GPAM: variants seen among roughly 807,000 people sequenced by gnomAD.
GPAM encodes glycerol-3-phosphate acyltransferase, mitochondrial, also known as glycerol-3-phosphate acyltransferase 1, mitochondrial.
GPAM carries 56 observed loss-of-function variants against 105.0 expected under a neutral mutation model. The ratio of observed to expected loss-of-function variants is 0.53; its 90% CI spans 0.43 to 0.67. The LOEUF is 0.67. GPAM is among the 30% of genes least tolerant of loss of function. GPAM has a pLI of 0.00. For missense variants in GPAM, 855 were observed against 989.8 expected, an observed-to-expected ratio of 0.86 and a Z score of 1.83; for synonymous variants, 368 against 354.4, an observed-to-expected ratio of 1.04 and a Z score of -0.43.
chr10:112,158,303 C>T lies in GPAM; in HGVS notation c.1980+13G>A, dbSNP rs1847054722. 6.9e-7 allele frequency: 1 copy of T among 1,440,968 alleles called. No homozygotes were observed. 89.3% of individuals were successfully genotyped at this position (1,440,968 alleles called of 1,614,324 possible). A position where few individuals can be genotyped will look rare whatever the true frequency, so the allele number is the denominator to read the frequency against. On this transcript the variant is annotated intron_variant, in intron 18 of 21. Coordinates refer to ENST00000348367, the MANE Select transcript of GPAM (RefSeq NM_001244949.2). ...AAGTATAAAGACAAATAAAGGAAAG[C>T]TCTACCTCTTACCTCTGCCACTGTA...
rs561923065 is a variant in GPAM at position 112,151,181 on chromosome 10, C to T, written c.*2369G>A. ...GCATGCATTTCATGTTACAGAAATG[C>T]GATAGAGTAAACTGTAATAAATTAT... On this transcript the variant is annotated 3_prime_UTR_variant, in exon 22 of 22. Coordinates refer to ENST00000348367, the MANE Select transcript of GPAM (RefSeq NM_001244949.2). 31 of 982,526 alleles carry T rather than the reference C, an allele frequency of 3.2e-5. No homozygotes were observed. Among genetic ancestry groups the T allele is most frequent in the East Asian group, 1.1e-4 (1 of 8,788 alleles). The allele number at this position is 982,526 out of a possible 1,614,324, so 60.9% of individuals were successfully genotyped here. A position where few individuals can be genotyped will look rare whatever the true frequency, so the allele number is the denominator to read the frequency against.
chr10:112,227,420 C>T, the GPAM span, among the ~76,000 whole-genome samples: 1 of 152,260 alleles, frequency 6.6e-6, no homozygotes, highest in African/African-American at 2.4e-5. Context: ...GCTCTGCCCT[C>T]TCCTGGGACC....
intron 16 of GPAM, 79 bp downstream of exon 16, chr10:112,160,525 T>C: frequency 7.1e-7 from 1 of 1,411,390 alleles, no homozygotes; most frequent in Non-Finnish European, 1.0e-6. Flanking sequence ...TCACCCAAAT[T>C]AAAGCAGATA....
rs928905443 is a variant in GPAM at position 112,153,609 on chromosome 10, G to C, written c.2428C>G (p.Leu810Val). ...AGTTTTTGTCGGTTGCATTGAGGTAGAAAAGTGCTGCTCAGTTCTAAAACA... is the reference window on the plus strand; with the variant it reads ...AGTTTTTGTCGGTTGCATTGAGGTACAAAAGTGCTGCTCAGTTCTAAAACA... ...VSVLELSSTFLPQCNRQKLLE... is the reference protein window; with the variant it reads ...VSVLELSSTFVPQCNRQKLLE... The change falls in exon 22 of 22, where the codon CTA (leucine) becomes GTA (valine). Residue 810 changes from leucine to valine, a missense_variant. Physicochemically the swap from Leu to Val is conservative, Grantham distance 32. Coordinates refer to ENST00000348367, the MANE Select transcript of GPAM (RefSeq NM_001244949.2). 6.2e-7 allele frequency: 1 copy of C among 1,613,736 alleles called. No homozygotes were observed. Among genetic ancestry groups the C allele is most frequent in the Non-Finnish European group, 8.5e-7 (1 of 1,179,822 alleles).
rs1278544085 is a variant in GPAM, at chr10:112,168,842, A to T, written c.894+11T>A. ...ACAATGTCCCTAAGGATAATTAGAG[A>T]TCACACATACCCCATGGAGCAAAGC... On this transcript the variant is annotated intron_variant, in intron 10 of 21. Transcript: ENST00000348367. 2.7e-6 allele frequency: 4 copies of T among 1,482,776 alleles called. 1 individual carries two copies. The highest frequency in any genetic ancestry group is 3.4e-4 in the Middle Eastern group (2 of 5,836). 91.9% of individuals were successfully genotyped at this position (1,482,776 alleles called of 1,614,324 possible). A position where few individuals can be genotyped will look rare whatever the true frequency, so the allele number is the denominator to read the frequency against.
chr10:112,221,070 G>A, the GPAM span, among the ~76,000 whole-genome samples: 2 of 152,160 alleles, frequency 1.3e-5, no homozygotes, highest in Non-Finnish European at 2.9e-5. Context: ...GGAAAATGTA[G>A]TCTCAGTGTG....
rs530100174 is a variant in GPAM, at chr10:112,195,966, C to T, written n.211-13075G>A. On this transcript the variant is annotated intron_variant and non_coding_transcript_variant, in intron 1 of 3. Transcript: ENST00000480130. ...AGTTCCCATCTTCTCTCCCTCACCC[C>T]ACTCCCTGGGTCAGAGTAGAGAAAA... Among the ~76,000 whole-genome samples, 6 of 152,176 alleles carry T rather than the reference C, an allele frequency of 3.9e-5. No homozygotes were observed. In the East Asian group the frequency reaches 1.2e-3, roughly 29 times the overall value.
the GPAM span, among the ~76,000 whole-genome samples, chr10:112,224,226 C>CA: frequency 0.013 from 1,913 of 151,578 alleles, 46 homozygotes; most frequent in African/African-American, 0.043. Context: ...TTATCTGGAG[C>CA]AAAAAAAATC....
intron 4 of GPAM, among the ~76,000 whole-genome samples, chr10:112,179,476 C>T (rs1312037736): frequency 6.6e-6 from 1 of 152,216 alleles, no homozygotes; most frequent in African/African-American, 2.4e-5. Context: ...TTGAATTCTA[C>T]CAAATTCTTG....
chr10:112,216,824 A>T (rs1339417671), upstream of GPAM, among the ~76,000 whole-genome samples: 1 of 151,836 alleles, frequency 6.6e-6, no homozygotes, highest in Non-Finnish European at 1.5e-5. Context: ...GGGTTTTACC[A>T]TGTTGGCCAG....
intron 14 of GPAM, among the ~76,000 whole-genome samples, chr10:112,163,311 A>G (rs1847155396): frequency 6.6e-6 from 1 of 152,228 alleles, no homozygotes; most frequent in South Asian, 2.1e-4. Flanking sequence ...GGCCACTCAT[A>G]TTTGCTGCAT....
At chr10:112,198,858 A>G (rs1432799898) in intron 1 of GPAM, among the ~76,000 whole-genome samples, 2 of 151,898 alleles carry the variant, frequency 1.3e-5, no homozygotes, top group African/African-American at 4.8e-5. Flanking sequence ...AAAGAAGAAA[A>G]TCCTGTCATT....
Position 112,151,743 on chromosome 10 carries a change from GAA to G in GPAM, c.*1805_*1806del. The stretch of plus-strand genomic sequence containing the variant: ...ATCCTTAATTTACAATTTAAAGGAT[GAA>G]AAAAAGAGACTAGTGAAATGTTTGC... On this transcript the variant is annotated 3_prime_UTR_variant, in exon 22 of 22. Transcript: ENST00000348367. 1.0e-6 allele frequency: 1 copy of G among 984,976 alleles called. No homozygotes were observed. The allele number at this position is 984,976 out of a possible 1,614,324, so 61.0% of individuals were successfully genotyped here.
the GPAM span, among the ~76,000 whole-genome samples, chr10:112,227,400 C>T: frequency 6.6e-6 from 1 of 152,196 alleles, no homozygotes; most frequent in Non-Finnish European, 1.5e-5. Context: ...ACCTTAGAGC[C>T]TTCTCTCCTG....
chr10:112,162,440 C>A (rs1847140158), intron 14 of GPAM, among the ~76,000 whole-genome samples: 1 of 152,134 alleles, frequency 6.6e-6, no homozygotes, highest in South Asian at 2.1e-4. Flanking sequence ...AGGGCACAGA[C>A]ACACATTTGA....
chr10:112,160,945 C>A, intron 15 of GPAM, 77 bp from the exon 16 acceptor site: 2 of 1,318,200 alleles, frequency 1.5e-6, no homozygotes, highest in Non-Finnish European at 2.2e-6. Flanking sequence ...CATTCCAAGA[C>A]TTTCTTCTTG....
Position 112,153,415 on chromosome 10 carries a change from C to T in GPAM, c.*135G>A, listed in dbSNP as rs1235166862. On this transcript the variant is annotated 3_prime_UTR_variant, in exon 22 of 22. Coordinates refer to ENST00000348367, the MANE Select transcript of GPAM (RefSeq NM_001244949.2). ...CACAGATCCATGGAGGGAGAAGGCA[C>T]TTGTCTTCCAGGAGATCACTTCGGG... 87 of 1,588,942 alleles carry T rather than the reference C, an allele frequency of 5.5e-5. No homozygotes were observed. The highest frequency in any genetic ancestry group is 2.1e-4 in the Middle Eastern group (1 of 4,826).
chr10:112,216,194 G>T (rs1037256946), upstream of GPAM, among the ~76,000 whole-genome samples: 2 of 152,158 alleles, frequency 1.3e-5, no homozygotes, highest in African/African-American at 4.8e-5. Flanking sequence ...ATATATTAGA[G>T]CTCAATATTT....
intron 1 of GPAM, among the ~76,000 whole-genome samples, chr10:112,196,114 A>G (rs73353090): frequency 0.014 from 2,153 of 152,302 alleles, 58 homozygotes; most frequent in African/African-American, 0.049. Context: ...ACACATGCCC[A>G]ATACTCTTGA....
Sources: allele counts gnomAD v4.1 joint callset (sites outside exome capture counted in the v4.1 genomes callset), GRCh38; gene constraint gnomAD v4.1.1; transcripts MANE v1.5; gene names NCBI Gene and HGNC (gene_info 2026-07-23, HGNC 2026-07-21).